EYS: variants seen among roughly 807,000 people sequenced by gnomAD.
EYS encodes the protein protein eyes shut homolog.
In EYS, 250 loss-of-function variants were observed where a neutral mutation model predicts 282.1. The observed-to-expected ratio is 0.89, with a 90% CI of 0.80 to 0.98. The LOEUF (loss-of-function observed/expected upper bound fraction) is 0.98, where lower values mean the gene tolerates loss of function less well. Among genes scored for constraint, EYS ranks in the 50% least tolerant of loss-of-function variants. The pLI is 0.00. For missense variants in EYS, 4,016 were observed against 3,709.0 expected (o/e 1.08, Z -2.15); for synonymous variants, 1,355 against 1,282.9 (o/e 1.06, Z -1.20).
At chr6:63,919,525 G>C (rs1232319961) in intron 35 of EYS, among the ~76,000 whole-genome samples, 5 of 152,124 alleles carry the variant, frequency 3.3e-5, no homozygotes, top group African/African-American at 1.2e-4. Flanking sequence ...GCAAAATGTA[G>C]ACAAGAGAGT....
chr6:64,225,817 A>C (rs1013188795), intron 31 of EYS, among the ~76,000 whole-genome samples: 19 of 152,224 alleles, frequency 1.2e-4, no homozygotes, highest in African/African-American at 4.1e-4. Flanking sequence ...TCTACCTCTG[A>C]CTTCAAAAAT....
intron 40 of EYS, among the ~76,000 whole-genome samples, chr6:63,773,197 CCTCA>C (rs757644022): frequency 3.9e-5 from 6 of 152,156 alleles, no homozygotes; most frequent in Non-Finnish European, 7.3e-5. Flanking sequence ...TTCTCTACAG[CCTCA>C]CTAATAGATT....
At chr6:64,860,332 G>T (rs1228564017) in intron 19 of EYS, among the ~76,000 whole-genome samples, 5 of 152,210 alleles carry the variant, frequency 3.3e-5, no homozygotes, top group Non-Finnish European at 4.4e-5. Context: ...TCATGCTACT[G>T]GCCTAGATCC....
chr6:64,861,177 G>A (rs993798761), intron 19 of EYS, among the ~76,000 whole-genome samples: 5 of 152,182 alleles, frequency 3.3e-5, no homozygotes, highest in Admixed American at 2.0e-4. Flanking sequence ...AGGCCAGTGC[G>A]GAACTGCCCT....
At chr6:64,141,138 T>C (rs1438771766) in intron 31 of EYS, among the ~76,000 whole-genome samples, 1 of 152,032 alleles carries the variant, frequency 6.6e-6, no homozygotes, top group Non-Finnish European at 1.5e-5. Flanking sequence ...GCTATGTCTC[T>C]TAATTCGTTT....
chr6:64,838,012 A>T (rs1327556849), intron 19 of EYS, among the ~76,000 whole-genome samples: 3 of 151,804 alleles, frequency 2.0e-5, no homozygotes, highest in Middle Eastern at 3.4e-3. Flanking sequence ...ACAAACTTTA[A>T]AAAAACGAAT....
intron 33 of EYS, among the ~76,000 whole-genome samples, chr6:64,020,973 A>C (rs1258474629): frequency 2.0e-5 from 3 of 152,166 alleles, no homozygotes; most frequent in Non-Finnish European, 4.4e-5. Flanking sequence ...CCTCTACATT[A>C]TATTGTGAAA....
intron 13 of EYS, among the ~76,000 whole-genome samples, chr6:65,045,450 A>G (rs1773073469): frequency 1.3e-5 from 2 of 151,796 alleles, no homozygotes; most frequent in South Asian, 4.1e-4. Flanking sequence ...TTGGAGATGG[A>G]GTCTTTGGGG....
chr6:64,316,733 C>T (rs1480905200), intron 29 of EYS, among the ~76,000 whole-genome samples: 3 of 152,038 alleles, frequency 2.0e-5, no homozygotes, highest in Non-Finnish European at 1.5e-5. Flanking sequence ...CATATCAAAC[C>T]AAAAAAGATC....
chr6:63,959,709 G>A (rs1272415763), intron 35 of EYS, among the ~76,000 whole-genome samples: 1 of 152,128 alleles, frequency 6.6e-6, no homozygotes, highest in African/African-American at 2.4e-5. Context: ...CATGTCCTTT[G>A]CAGGGACATG....
chr6:65,580,809 ACTTCATCC>A, intron 2 of EYS, among the ~76,000 whole-genome samples: 1 of 152,098 alleles, frequency 6.6e-6, no homozygotes, highest in Non-Finnish European at 1.5e-5. Flanking sequence ...AATGTTAAAT[ACTTCATCC>A]TAAAACTTCA....
At chr6:64,609,969 C>T (rs1301106925) in intron 24 of EYS, among the ~76,000 whole-genome samples, 1 of 151,502 alleles carries the variant, frequency 6.6e-6, no homozygotes, top group Admixed American at 6.6e-5. Flanking sequence ...ATGGATATTG[C>T]ATTTAGTTAT....
intron 32 of EYS, among the ~76,000 whole-genome samples, chr6:64,067,354 T>A (rs911787448): frequency 6.6e-6 from 1 of 152,168 alleles, no homozygotes; most frequent in African/African-American, 2.4e-5. Context: ...AGGACCATCA[T>A]CTGCATTGTC....
At chr6:64,473,669 T>C (rs1237473058) in intron 26 of EYS, among the ~76,000 whole-genome samples, 3 of 152,186 alleles carry the variant, frequency 2.0e-5, no homozygotes, top group East Asian at 3.9e-4. Context: ...TGATAGATGT[T>C]AGAATGATAG....
At chr6:63,956,765 C>T (rs1233463866) in intron 35 of EYS, among the ~76,000 whole-genome samples, 1 of 152,114 alleles carries the variant, frequency 6.6e-6, no homozygotes, top group Non-Finnish European at 1.5e-5. Flanking sequence ...ACGTATTTCC[C>T]ACACATACTG....
intron 2 of EYS, among the ~76,000 whole-genome samples, chr6:65,558,336 G>A (rs549737122): frequency 2.0e-5 from 3 of 152,346 alleles, no homozygotes; most frequent in East Asian, 3.9e-4. Context: ...TGCACAGCAG[G>A]CTGGCTTATG....
chr6:64,719,271 G>A (rs921016002), intron 22 of EYS, among the ~76,000 whole-genome samples: 1 of 152,096 alleles, frequency 6.6e-6, no homozygotes, highest in African/African-American at 2.4e-5. Context: ...AAATGGAGAA[G>A]CAAAACAAGT....
chr6:64,395,875 G>A (rs1773354409), intron 28 of EYS, among the ~76,000 whole-genome samples: 1 of 151,822 alleles, frequency 6.6e-6, no homozygotes, highest in Non-Finnish European at 1.5e-5. Context: ...ATGCCATTCT[G>A]TTCCATGAAT....
chr6:63,868,873 GTAGA>G (rs1772731844), intron 35 of EYS, among the ~76,000 whole-genome samples: 1 of 152,170 alleles, frequency 6.6e-6, no homozygotes, highest in South Asian at 2.1e-4. Context: ...CTCTAGTACT[GTAGA>G]TAGATTTTTC....
Sources: allele counts gnomAD v4.1 joint callset (sites outside exome capture counted in the v4.1 genomes callset), GRCh38; gene constraint gnomAD v4.1.1; transcripts MANE v1.5; gene names NCBI Gene and HGNC (gene_info 2026-07-23, HGNC 2026-07-21).